GRM5: variants seen among roughly 807,000 people sequenced by gnomAD.
GRM5 encodes metabotropic glutamate receptor 5.
GRM5 carries 19 observed loss-of-function variants against 83.1 expected under a neutral mutation model. The observed-to-expected ratio is 0.23, with a 90% CI of 0.16 to 0.34. GRM5 has a LOEUF of 0.34. Ranked by LOEUF, GRM5 falls within the 10% of genes least tolerant of loss-of-function variation. The pLI is 1.00. For synonymous variants in GRM5, 675 were observed against 633.6 expected, an observed-to-expected ratio of 1.07 and a Z score of -0.98; for missense variants, 1,160 against 1,588.3, an observed-to-expected ratio of 0.73 and a Z score of 4.58.
chr11:88,935,990 C>T (rs1332081834), intron 2 of GRM5, among the ~76,000 whole-genome samples: 2 of 151,864 alleles, frequency 1.3e-5, no homozygotes, highest in South Asian at 2.1e-4. Flanking sequence ...TATTTTAATG[C>T]TTTTGTCACA....
At chr11:88,848,728 G>A (rs955103234) in intron 3 of GRM5, among the ~76,000 whole-genome samples, 34 of 152,144 alleles carry the variant, frequency 2.2e-4, no homozygotes, top group Non-Finnish European at 7.4e-5. Context: ...AATTTTATGT[G>A]TCTAGTGCCT....
chr11:88,675,704 C>T (rs751136825), intron 3 of GRM5, among the ~76,000 whole-genome samples: 4 of 151,948 alleles, frequency 2.6e-5, no homozygotes, highest in Non-Finnish European at 5.9e-5. Context: ...GTTTTCTCCC[C>T]AGTTAGTTAC....
At chr11:88,871,439 T>G (rs1374672966) in intron 2 of GRM5, among the ~76,000 whole-genome samples, 1 of 151,582 alleles carries the variant, frequency 6.6e-6, no homozygotes, top group Admixed American at 6.6e-5. Flanking sequence ...AGGTGCCCTA[T>G]AGTGTTAAAT....
chr11:88,798,805 C>CAAAAAAAAAAAAAAA (rs4002396), intron 3 of GRM5, among the ~76,000 whole-genome samples: 84 of 55,206 alleles, frequency 1.5e-3, no homozygotes, highest in African/African-American at 1.9e-3. Flanking sequence ...ATGAAAACAC[C>CAAAAAAAAAAAAAAA]AAAAAAAAAA....
Position 88,507,172 on chromosome 11 carries a change from T to C in GRM5, c.*1420A>G, listed in dbSNP as rs539034661. The C allele has an allele frequency of 2.6e-5, 4 of 152,348 alleles. No individual in the cohort carries two copies. In the South Asian group the frequency reaches 8.3e-4, roughly 32 times the overall value. The allele number at this position is 152,348 out of a possible 1,614,324, so 9.4% of individuals were successfully genotyped here. A position where few individuals can be genotyped will look rare whatever the true frequency, so the allele number is the denominator to read the frequency against. On this transcript the variant is annotated 3_prime_UTR_variant, in exon 10 of 10. Coordinates refer to ENST00000305447, the MANE Select transcript of GRM5 (RefSeq NM_001143831.3). The stretch of plus-strand genomic sequence containing the variant: ...TCTGTTATACTCTAAATCTCTTTTC[T>C]GTAGTTTTAAAAAGTGACAGTATGA...
intron 3 of GRM5, among the ~76,000 whole-genome samples, chr11:88,822,041 G>C (rs927880945): frequency 6.6e-6 from 1 of 152,140 alleles, no homozygotes; most frequent in Non-Finnish European, 1.5e-5. Context: ...ATTGAGAAGA[G>C]ATGATTACTT....
intron 9 of GRM5, among the ~76,000 whole-genome samples, chr11:88,514,727 G>C (rs1157985938): frequency 1.3e-5 from 2 of 152,098 alleles, no homozygotes; most frequent in East Asian, 1.9e-4. Context: ...CAGAGAAAAA[G>C]TTGTTCACTG....
chr11:88,793,126 G>A (rs1043750617), intron 3 of GRM5, among the ~76,000 whole-genome samples: 3 of 152,106 alleles, frequency 2.0e-5, no homozygotes, highest in Non-Finnish European at 4.4e-5. Flanking sequence ...TTGATGATAT[G>A]TATTACAGAG....
intron 8 of GRM5, among the ~76,000 whole-genome samples, chr11:88,545,937 C>G (rs190134007): frequency 7.2e-5 from 11 of 152,154 alleles, no homozygotes; most frequent in Admixed American, 6.5e-4. Context: ...CTAGTCTGAT[C>G]CCCAAATACC....
intron 2 of GRM5, among the ~76,000 whole-genome samples, chr11:88,975,580 T>C (rs1939307676): frequency 1.3e-5 from 2 of 152,146 alleles, no homozygotes; most frequent in Non-Finnish European, 2.9e-5. Flanking sequence ...GTGTGGCCCA[T>C]GGGCCAGAAA....
chr11:88,638,227 G>A lies in GRM5; in HGVS notation c.1147+14941C>T, dbSNP rs571532636. Among the ~76,000 whole-genome samples the A allele has an allele frequency of 7.8e-4, 118 of 151,230 alleles. 1 individual carries two copies. The highest frequency in any genetic ancestry group is 5.5e-3 in the Admixed American group (83 of 15,170). Reference sequence around the variant, plus strand: ...GCTAGATGACGAGTTAATGGGTGCAGCACACCAGCATGGCACATGTATACA... The same window carrying A: ...GCTAGATGACGAGTTAATGGGTGCAACACACCAGCATGGCACATGTATACA... On this transcript the variant is annotated intron_variant, in intron 4 of 9. Coordinates refer to ENST00000305447, the MANE Select transcript of GRM5 (RefSeq NM_001143831.3).
At chr11:89,048,365 G>T (rs1225219682) in intron 1 of GRM5, among the ~76,000 whole-genome samples, 2 of 152,142 alleles carry the variant, frequency 1.3e-5, no homozygotes, top group African/African-American at 4.8e-5. Context: ...ATCTCAGGCA[G>T]AGATGACAGA....
intron 2 of GRM5, among the ~76,000 whole-genome samples, chr11:88,918,175 T>C (rs1945626629): frequency 6.6e-6 from 1 of 151,242 alleles, no homozygotes; most frequent in Non-Finnish European, 1.5e-5. Context: ...TGGCATGACC[T>C]ATCTAAAATG....
chr11:88,636,402 C>G (rs1253804315), intron 4 of GRM5, among the ~76,000 whole-genome samples: 1 of 152,040 alleles, frequency 6.6e-6, no homozygotes, highest in Non-Finnish European at 1.5e-5. Context: ...ATCCCAGATA[C>G]TCAGGAGGCT....
chr11:88,875,458 C>A (rs1348295436), intron 2 of GRM5, among the ~76,000 whole-genome samples: 1 of 151,910 alleles, frequency 6.6e-6, no homozygotes, highest in Non-Finnish European at 1.5e-5. Flanking sequence ...TCAAAATCAT[C>A]CATGAGGGTT....
chr11:88,896,306 G>A (rs548941146), intron 2 of GRM5, among the ~76,000 whole-genome samples: 9 of 151,862 alleles, frequency 5.9e-5, no homozygotes, highest in Middle Eastern at 3.4e-3. Context: ...AAAGGGAAAG[G>A]CATCGTATCA....
chr11:88,558,468 G>T (rs1199273503), intron 8 of GRM5, among the ~76,000 whole-genome samples: 1 of 151,942 alleles, frequency 6.6e-6, no homozygotes, highest in Non-Finnish European at 1.5e-5. Flanking sequence ...TTTGGAAAAG[G>T]GTTGCAATTT....
At chr11:88,667,287 G>A (rs1940070127) in intron 3 of GRM5, among the ~76,000 whole-genome samples, 4 of 152,056 alleles carry the variant, frequency 2.6e-5, no homozygotes, top group Non-Finnish European at 1.5e-5. Flanking sequence ...TAGTTTTCCA[G>A]GGGGAGAAGA....
intron 2 of GRM5, among the ~76,000 whole-genome samples, chr11:88,970,222 T>C (rs561512): frequency 0.62 from 93,911 of 151,878 alleles, 30,618 homozygotes; most frequent in African/African-American, 0.83. Flanking sequence ...TATAGTGGCT[T>C]CAAGATAAAT....
Sources: gnomAD v4.1 joint callset for allele counts (sites outside exome capture counted in the v4.1 genomes callset) on GRCh38, gnomAD v4.1.1 for gene constraint, MANE v1.5 for transcripts, NCBI Gene and HGNC (gene_info 2026-07-23, HGNC 2026-07-21) for gene names.